VPS13A: variants seen among roughly 807,000 people sequenced by gnomAD.
VPS13A encodes the protein vacuolar protein sorting 13 homolog A, also known as intermembrane lipid transfer protein VPS13A.
In VPS13A, 264 loss-of-function variants were observed where a neutral mutation model predicts 390.9. The observed-to-expected ratio is 0.68, with a 90% confidence interval of 0.61 to 0.75. The LOEUF (loss-of-function observed/expected upper bound fraction) is 0.75, where lower values mean the gene tolerates loss of function less well. Ranked by LOEUF, VPS13A falls within the 30% of genes least tolerant of loss-of-function variation. VPS13A has a pLI of 0.00. For synonymous variants in VPS13A, 1,231 were observed against 1,227.1 expected, an observed-to-expected ratio of 1.00 and a Z score of -0.07; for missense variants, 3,409 against 3,733.9, an observed-to-expected ratio of 0.91 and a Z score of 2.27.
chr9:77,323,939 T>C (rs1829876703), intron 45 of VPS13A, among the ~76,000 whole-genome samples: 1 of 152,172 alleles, frequency 6.6e-6, no homozygotes, highest in Non-Finnish European at 1.5e-5. Context: ...GAGTGAACCT[T>C]TGTATACAGT....
At chr9:77,382,309 G>A (rs779273591) in intron 68 of VPS13A, 2 of 1,540,276 alleles carry the variant, frequency 1.3e-6, no homozygotes, top group South Asian at 2.6e-5. Context: ...AAAAGTTAAT[G>A]CATGACTTTG....
chr9:77,275,618 T>C lies in VPS13A; in HGVS notation c.2633T>C (p.Met878Thr). The C allele has an allele frequency of 3.1e-6, 5 of 1,613,666 alleles. No individual in the cohort carries two copies. Among genetic ancestry groups the C allele is most frequent in the Non-Finnish European group, 4.2e-6 (5 of 1,179,694 alleles). ...CAAAAGCAGGATTGTTCAGTAAATATGACTACATTTAAAATAAGATTTGAA... is the reference window on the plus strand; with the variant it reads ...CAAAAGCAGGATTGTTCAGTAAATACGACTACATTTAAAATAAGATTTGAA... ...KLQKQDCSVNMTTFKIRFEVP... is the reference protein window; with the variant it reads ...KLQKQDCSVNTTTFKIRFEVP... The change falls in exon 25 of 72, where the codon ATG becomes ACG. Residue 878 changes from methionine (M) to threonine (T), a missense_variant. Physicochemically the swap from Met to Thr is moderately conservative, Grantham distance 81. Around this residue, in one of 5 missense-constraint regions of VPS13A, gnomAD observed 2,717 missense variants for 2,917.4 expected, o/e 0.93. Coordinates refer to ENST00000360280, the MANE Select transcript of VPS13A (RefSeq NM_033305.3).
chr9:77,412,996 T>C (rs1326723187), intron 71 of VPS13A, among the ~76,000 whole-genome samples: 3 of 152,230 alleles, frequency 2.0e-5, no homozygotes, highest in African/African-American at 4.8e-5. Context: ...CCATTCACAA[T>C]TGCTTCAAAG....
chr9:77,339,253 T>G, intron 47 of VPS13A: 1 of 431,570 alleles, frequency 2.3e-6, no homozygotes, highest in Non-Finnish European at 4.1e-6. Flanking sequence ...TTTCCCATTA[T>G]GTTATTTAAT....
intron 34 of VPS13A, among the ~76,000 whole-genome samples, chr9:77,304,169 C>A (rs1225976555): frequency 2.6e-5 from 4 of 151,614 alleles, no homozygotes; most frequent in African/African-American, 9.7e-5. Context: ...TAGAGAATGG[C>A]AATGACTTTT....
chr9:77,372,483 T>C (rs570249097), intron 67 of VPS13A, among the ~76,000 whole-genome samples: 4 of 152,168 alleles, frequency 2.6e-5, no homozygotes, highest in Admixed American at 2.0e-4. Context: ...TGGGACGTAT[T>C]TCAAAATAAT....
At position 77,205,169 on chromosome 9, in the gene VPS13A, T is replaced by C. The variant is rs1825564286; in HGVS notation, c.188-144T>C. 1.0e-5 allele frequency: 4 copies of C among 384,472 alleles called. No individual in the cohort carries two copies. The South Asian group carries it at 3.6e-4, about 35-fold the overall frequency. The allele number at this position is 384,472 out of a possible 1,614,324, so 23.8% of individuals were successfully genotyped here. A position where few individuals can be genotyped will look rare whatever the true frequency, so the allele number is the denominator to read the frequency against. On this transcript the variant is annotated intron_variant, in intron 3 of 71. Transcript: ENST00000360280. ...ACACTTGTTGTTTGTAGTTGTAAAA[T>C]AGCTTTCAATAAAGTGATTAAACGC...
intron 59 of VPS13A, among the ~76,000 whole-genome samples, chr9:77,361,931 AT>A (rs1343774140): frequency 2.0e-5 from 3 of 152,134 alleles, no homozygotes; most frequent in Non-Finnish European, 2.9e-5. Flanking sequence ...TATGTTGATT[AT>A]CCTTTAATAT....
intron 62 of VPS13A, among the ~76,000 whole-genome samples, chr9:77,368,635 C>G (rs1832574920): frequency 6.6e-6 from 1 of 152,090 alleles, no homozygotes; most frequent in Non-Finnish European, 1.5e-5. Context: ...TGGATTTCTC[C>G]CACTTTTGCC....
rs866736126 is a variant in VPS13A at position 77,399,192 on chromosome 9, A to T, written c.9190-4044A>T. Among the ~76,000 whole-genome samples the T allele has an allele frequency of 4.4e-3, 627 of 141,826 alleles. 13 individuals are homozygous for T. The highest frequency in any genetic ancestry group is 0.023 in the Admixed American group (334 of 14,286). The allele number at this position is 141,826 out of a possible 152,430, so 93.0% of individuals were successfully genotyped here. On this transcript the variant is annotated intron_variant, in intron 68 of 71. Transcript: ENST00000360280. Reference sequence around the variant, plus strand: ...TAAAAAAAAAAAAATAAAAAAAAAAAAAAAAAAAAAAAACAAAGGATACGG... The same window carrying T: ...TAAAAAAAAAAAAATAAAAAAAAAATAAAAAAAAAAAAACAAAGGATACGG...
At chr9:77,264,253 G>C (rs1825912030) in intron 23 of VPS13A, among the ~76,000 whole-genome samples, 1 of 152,074 alleles carries the variant, frequency 6.6e-6, no homozygotes, top group South Asian at 2.1e-4. Context: ...TGTTCTTTTT[G>C]CTTAGGATTG....
In VPS13A at chr9:77,295,050, A is replaced by AT. The variant is rs564786978; in HGVS notation, c.3508-486dup. 5.3e-3 allele frequency among the ~76,000 whole-genome samples: 810 copies of AT among 152,072 alleles called. 4 individuals carry two copies. Among genetic ancestry groups the AT allele is most frequent in the South Asian group, 0.01 (49 of 4,830 alleles). On this transcript the variant is annotated intron_variant, in intron 32 of 71. Transcript: ENST00000360280. ...ATACTTAGAAATTACTAAAATGTTAATTTTTTCTTTGAACATGAAAATTAG... is the reference window on the plus strand; with the variant it reads ...ATACTTAGAAATTACTAAAATGTTAATTTTTTTCTTTGAACATGAAAATTAG...
At chr9:77,390,443 T>C (rs1247452640) in intron 68 of VPS13A, among the ~76,000 whole-genome samples, 1 of 152,164 alleles carries the variant, frequency 6.6e-6, no homozygotes, top group Non-Finnish European at 1.5e-5. Flanking sequence ...ACCACTATAT[T>C]TTGGACCAGT....
chr9:77,377,203 G>GTTT lies in VPS13A; in HGVS notation c.9078-4748_9078-4746dup, dbSNP rs61562443. ...CTTATTCCTAAGTATTTTTGATGCT[G>GTTT]TTTTTTTTTTTTTTTTTTTTTTTTT... is the stretch of plus-strand genomic sequence containing the variant. On this transcript the variant is annotated intron_variant, in intron 67 of 71. Coordinates refer to ENST00000360280, the MANE Select transcript of VPS13A (RefSeq NM_033305.3). Among the ~76,000 whole-genome samples the GTTT allele has an allele frequency of 2.6e-3, 177 of 69,062 alleles. 23 individuals are homozygous for GTTT. Among genetic ancestry groups the GTTT allele is most frequent in the Middle Eastern group, 8.3e-3 (1 of 120 alleles). 45.3% of individuals were successfully genotyped at this position (69,062 alleles called of 152,430 possible). A position where few individuals can be genotyped will look rare whatever the true frequency, so the allele number is the denominator to read the frequency against.
intron 19 of VPS13A, among the ~76,000 whole-genome samples, chr9:77,240,240 G>A (rs980939501): frequency 3.4e-5 from 5 of 147,908 alleles, no homozygotes; most frequent in African/African-American, 1.2e-4. Context: ...CCACCACAAC[G>A]CCTGGCTAAT....
At chr9:77,203,874 A>T (rs1825478844) in intron 3 of VPS13A, among the ~76,000 whole-genome samples, 1 of 152,134 alleles carries the variant, frequency 6.6e-6, no homozygotes, top group East Asian at 1.9e-4. Context: ...AAACTTAGAA[A>T]GTTATTCCTC....
chr9:77,287,238 C>T (rs1303961184), intron 31 of VPS13A, among the ~76,000 whole-genome samples: 1 of 150,678 alleles, frequency 6.6e-6, no homozygotes, highest in Non-Finnish European at 1.5e-5. Flanking sequence ...CTCTCTCTCT[C>T]TCTCTCTCTC....
At chr9:77,384,474 G>A in intron 68 of VPS13A, 1 of 1,482,820 alleles carries the variant, frequency 6.7e-7, no homozygotes, top group Non-Finnish European at 9.3e-7. Flanking sequence ...GAAAAAATCT[G>A]CTTTAAAATT....
intron 20 of VPS13A, among the ~76,000 whole-genome samples, chr9:77,248,365 G>A (rs921670605): frequency 1.3e-5 from 2 of 151,500 alleles, no homozygotes; most frequent in Non-Finnish European, 2.9e-5. Flanking sequence ...CCAGGCCCCC[G>A]CCACCACGCC....
Sources: gnomAD v4.1 joint callset for allele counts (sites outside exome capture counted in the v4.1 genomes callset) on GRCh38, gnomAD v4.1.1 for gene constraint, gnomAD v4.1.1 regional missense constraint, MANE v1.5 for transcripts, NCBI Gene and HGNC (gene_info 2026-07-23, HGNC 2026-07-21) for gene names.